Variants in C12orf42 observed in about 807,000 individuals in gnomAD.
C12orf42 encodes uncharacterized protein C12orf42.
In C12orf42, 25 loss-of-function variants were observed where a neutral mutation model predicts 21.6. The observed-to-expected ratio is 1.16, with a 90% confidence interval of 0.84 to 1.62. The LOEUF is 1.62. Ranked by LOEUF, C12orf42 falls within the 40% of genes most tolerant of loss-of-function variation. The probability of loss-of-function intolerance (pLI) is 0.00; values close to 1 mark genes in which losing one functional copy is unlikely to be tolerated. For synonymous variants in C12orf42, 174 were observed against 175.0 expected (o/e 0.99, Z 0.05); for missense variants, 483 against 459.3 (o/e 1.05, Z -0.47).
At chr12:103,540,041 G>T in the C12orf42 span, among the ~76,000 whole-genome samples, 3 of 135,636 alleles carry the variant, frequency 2.2e-5, no homozygotes, top group Non-Finnish European at 4.9e-5. Flanking sequence ...AGACAGTCTT[G>T]CTTTGTCACC....
At chr12:103,062,826 C>A in the C12orf42 span, among the ~76,000 whole-genome samples, 6 of 151,926 alleles carry the variant, frequency 3.9e-5, no homozygotes, top group Admixed American at 3.9e-4. Flanking sequence ...AATTTTTTTA[C>A]AAATATCACT....
chr12:103,448,556 T>C (rs189153703), intron 2 of C12orf42, among the ~76,000 whole-genome samples: 4 of 152,144 alleles, frequency 2.6e-5, no homozygotes, highest in East Asian at 3.9e-4. Flanking sequence ...AAAGGACTAA[T>C]ATCCAGAATC....
At chr12:103,490,057 G>C (rs1051489037) in intron 1 of C12orf42, among the ~76,000 whole-genome samples, 2 of 152,196 alleles carry the variant, frequency 1.3e-5, no homozygotes, top group African/African-American at 4.8e-5. Flanking sequence ...CTGCAGACCA[G>C]AGCTATTCCT....
the C12orf42 span, among the ~76,000 whole-genome samples, chr12:103,096,154 G>T: frequency 6.6e-6 from 1 of 152,056 alleles, no homozygotes; most frequent in African/African-American, 2.4e-5. Flanking sequence ...TGAGTTTTTG[G>T]CCATTGCTGC....
chr12:103,106,681 A>G, the C12orf42 span, among the ~76,000 whole-genome samples: 1 of 151,900 alleles, frequency 6.6e-6, no homozygotes, highest in Non-Finnish European at 1.5e-5. Flanking sequence ...AAAAGAAGGA[A>G]TCGTCTCAAG....
chr12:103,273,934 C>T (rs2035614563), intron 5 of C12orf42: 2 of 456,014 alleles, frequency 4.4e-6, no homozygotes, highest in Non-Finnish European at 4.4e-6. Context: ...TTTTCGCATA[C>T]TCACAGTAAG....
chr12:103,059,443 TA>T, the C12orf42 span, among the ~76,000 whole-genome samples: 1 of 151,838 alleles, frequency 6.6e-6, no homozygotes, highest in African/African-American at 2.4e-5. Flanking sequence ...TTCCAAATAA[TA>T]AAAAAAGAGG....
chr12:103,093,382 C>G, the C12orf42 span, among the ~76,000 whole-genome samples: 6 of 152,142 alleles, frequency 3.9e-5, no homozygotes, highest in Non-Finnish European at 5.9e-5. Context: ...CAATGACTGC[C>G]ATCCAGATGG....
chr12:103,084,939 A>G, the C12orf42 span, among the ~76,000 whole-genome samples: 3 of 152,200 alleles, frequency 2.0e-5, no homozygotes, highest in Non-Finnish European at 4.4e-5. Flanking sequence ...TATTCAAACA[A>G]AGTCAAGCCT....
intron 2 of C12orf42, among the ~76,000 whole-genome samples, chr12:103,436,680 T>G (rs1438253961): frequency 1.3e-5 from 2 of 151,950 alleles, no homozygotes; most frequent in African/African-American, 4.8e-5. Context: ...GGTAAAGGGA[T>G]CAATTTAACA....
intron 4 of C12orf42, among the ~76,000 whole-genome samples, chr12:103,313,358 G>A (rs1794329116): frequency 1.3e-5 from 2 of 152,184 alleles, no homozygotes; most frequent in South Asian, 4.1e-4. Flanking sequence ...AGCTAACTGG[G>A]GAGTGAAAGT....
At chr12:103,495,483 G>T (rs1034770974) in intron 1 of C12orf42, among the ~76,000 whole-genome samples, 1 of 152,094 alleles carries the variant, frequency 6.6e-6, no homozygotes, top group Non-Finnish European at 1.5e-5. Context: ...CCGGCCGGGT[G>T]GGGAGGGCGG....
chr12:103,088,002 CA>C, the C12orf42 span, among the ~76,000 whole-genome samples: 2 of 152,254 alleles, frequency 1.3e-5, no homozygotes, highest in Non-Finnish European at 2.9e-5. Context: ...TTTGCCAGAG[CA>C]TTCTGGCCTG....
chr12:103,375,537 A>G (rs556576963), intron 3 of C12orf42, among the ~76,000 whole-genome samples: 8 of 152,328 alleles, frequency 5.3e-5, no homozygotes, highest in African/African-American at 1.7e-4. Flanking sequence ...CAAGCCCCAA[A>G]AAACGGCTTA....
chr12:103,274,450 C>A (rs1043026120), intron 5 of C12orf42, among the ~76,000 whole-genome samples: 1 of 152,080 alleles, frequency 6.6e-6, no homozygotes, highest in Non-Finnish European at 1.5e-5. Context: ...TAATTTTTTT[C>A]TTTCCCTTAG....
chr12:103,149,506 A>G, the C12orf42 span, among the ~76,000 whole-genome samples: 28 of 152,146 alleles, frequency 1.8e-4, no homozygotes, highest in Non-Finnish European at 3.7e-4. Flanking sequence ...GTCCCCACCC[A>G]AATCTTATCT....
the C12orf42 span, among the ~76,000 whole-genome samples, chr12:103,108,238 T>C: frequency 6.6e-6 from 1 of 151,676 alleles, no homozygotes; most frequent in Non-Finnish European, 1.5e-5. Context: ...TCTTAAACTT[T>C]CCAAGAACAA....
intron 2 of C12orf42, among the ~76,000 whole-genome samples, chr12:103,408,109 G>A (rs186444037): frequency 2.6e-5 from 4 of 152,276 alleles, no homozygotes; most frequent in African/African-American, 9.6e-5. Flanking sequence ...TTGGCTTGGA[G>A]TCATGTGTAA....
At chr12:103,400,169 T>C (rs1043223583) in intron 3 of C12orf42, among the ~76,000 whole-genome samples, 5 of 152,196 alleles carry the variant, frequency 3.3e-5, no homozygotes, top group Admixed American at 2.0e-4. Context: ...AGGATCTAGC[T>C]GATGCCAAGT....
Sources: gnomAD v4.1 joint callset for allele counts (sites outside exome capture counted in the v4.1 genomes callset) on GRCh38, gnomAD v4.1.1 for gene constraint, MANE v1.5 for transcripts, NCBI Gene and HGNC (gene_info 2026-07-23, HGNC 2026-07-21) for gene names.